Variants in GALNT15 observed in about 807,000 individuals in gnomAD.
The protein encoded by GALNT15 is polypeptide N-acetylgalactosaminyltransferase 15.
GALNT15 carries 67 observed loss-of-function variants against 66.8 expected under a neutral mutation model. The ratio of observed to expected loss-of-function variants is 1.00; its 90% CI spans 0.82 to 1.23. The LOEUF (loss-of-function observed/expected upper bound fraction) is 1.23. Ranked by LOEUF, GALNT15 falls within the 50% of genes most tolerant of loss-of-function variation. The pLI is 0.00. For synonymous variants in GALNT15, 313 were observed against 311.5 expected, an observed-to-expected ratio of 1.00 and a Z score of -0.05; for missense variants, 827 against 804.3, an observed-to-expected ratio of 1.03 and a Z score of -0.34.
chr3:16,176,454 G>A lies in GALNT15; in HGVS notation c.539+764G>A, dbSNP rs989138131. 6.6e-6 allele frequency among the ~76,000 whole-genome samples: 1 copy of A among 152,220 alleles called. No homozygotes were observed. Among genetic ancestry groups the A allele is most frequent in the Non-Finnish European group, 1.5e-5 (1 of 68,034 alleles). The stretch of plus-strand genomic sequence containing the variant: ...CACCTGCCTTGGGCCACTAGACTAA[G>A]GAAACAGGTCCAGTGCCTGAGAGCC... On this transcript the variant is annotated intron_variant, in intron 1 of 9. Coordinates refer to ENST00000339732, the MANE Select transcript of GALNT15 (RefSeq NM_054110.5). This position sits in a 1 kb window ranked among gnomAD's most constrained non-coding sequence, Gnocchi z 5.6.
rs1019009823 is a variant in GALNT15, at chr3:16,215,916, A to AAACAAACAAAAAAAAAAAAAAC, written c.1392+3155_1392+3156insCAAACAAAAAAAAAAAAAACAA. On this transcript the variant is annotated intron_variant, in intron 6 of 9. Transcript: ENST00000339732. Reference sequence around the variant, plus strand: ...AGAGGGAGACTCCGCCAAAAAAAAAAAAAAAAAAAGAAGAGGAAGAAGAAG... The same window carrying AAACAAACAAAAAAAAAAAAAAC: ...AGAGGGAGACTCCGCCAAAAAAAAAAAACAAACAAAAAAAAAAAAAACAAAAAAAAAGAAGAGGAAGAAGAAG... Among the ~76,000 whole-genome samples, 3 of 143,454 alleles carry AAACAAACAAAAAAAAAAAAAAC rather than the reference A, an allele frequency of 2.1e-5. 1 individual carries two copies. Among genetic ancestry groups the AAACAAACAAAAAAAAAAAAAAC allele is most frequent in the African/African-American group, 7.8e-5 (3 of 38,488 alleles). The allele number at this position is 143,454 out of a possible 152,430, so 94.1% of individuals were successfully genotyped here.
At position 16,219,619 on chromosome 3, in the gene GALNT15, G is replaced by A; in HGVS notation, c.1524+85G>A. 6.5e-7 allele frequency: 1 copy of A among 1,548,390 alleles called. No homozygotes were observed. Among genetic ancestry groups the A allele is most frequent in the Non-Finnish European group, 8.8e-7 (1 of 1,138,128 alleles). Reference sequence around the variant, plus strand: ...GATGTTCAGCTCTTCCATGTCCCTGGTCAACCATTCACGGTTTAGCAGGGC... The same window carrying A: ...GATGTTCAGCTCTTCCATGTCCCTGATCAACCATTCACGGTTTAGCAGGGC... On this transcript the variant is annotated intron_variant, in intron 7 of 9. Transcript: ENST00000339732. The surrounding 1 kb of genome is among the most constrained non-coding windows in gnomAD (Gnocchi z 4.3).
chr3:16,179,747 T>C (rs1228909013), intron 1 of GALNT15, among the ~76,000 whole-genome samples: 2 of 152,012 alleles, frequency 1.3e-5, no homozygotes, highest in Non-Finnish European at 2.9e-5. Context: ...ACAAACTCAA[T>C]GAAATGGTTG....
At chr3:16,190,444 C>A (rs1290527480) in intron 1 of GALNT15, among the ~76,000 whole-genome samples, 1 of 152,136 alleles carries the variant, frequency 6.6e-6, no homozygotes, top group Non-Finnish European at 1.5e-5. Flanking sequence ...CGAGACCATC[C>A]TGGCTAACAC....
At chr3:16,217,731 G>C (rs554213054) in intron 6 of GALNT15, among the ~76,000 whole-genome samples, 36 of 152,162 alleles carry the variant, frequency 2.4e-4, no homozygotes, top group South Asian at 6.2e-4. Flanking sequence ...ACAAAGATTG[G>C]GTAGATTTAT....
rs1389231211 is a variant in GALNT15 at position 16,222,719 on chromosome 3, A to G, written c.1734A>G (p.Glu578=). The change falls in exon 9 of 10, where the codon GAA becomes GAG. Residue 578 remains glutamate, a synonymous_variant. Transcript: ENST00000339732. Reference sequence around the variant, plus strand: ...TGATTCTTCAGAACTGCACGGAGGAAGGCCTGGCCATCCACCAGCAGCACT... The same window carrying G: ...TGATTCTTCAGAACTGCACGGAGGAGGGCCTGGCCATCCACCAGCAGCACT... ...EQVILQNCTE[E]GLAIHQQHWD... is the part of the protein sequence containing the mutation. 3 of 1,614,098 alleles carry G rather than the reference A, an allele frequency of 1.9e-6. No homozygotes were observed. In the East Asian group the frequency reaches 6.7e-5, roughly 36 times the overall value.
chr3:16,212,817 A>C, intron 6 of GALNT15, 54 bp downstream of exon 6: 5 of 1,509,654 alleles, frequency 3.3e-6, no homozygotes, highest in Non-Finnish European at 4.5e-6. Flanking sequence ...CACTAGCAGG[A>C]GGTGGGCCAG....
Position 16,227,754 on chromosome 3 carries a change from C to A in GALNT15, c.*254C>A. ...CTTCATCACTGGGAAATGATTATTA[C>A]ATAGTACAGAAGATTCTTTGTTTTT... is the stretch of plus-strand genomic sequence containing the variant. On this transcript the variant is annotated 3_prime_UTR_variant, in exon 10 of 10. Coordinates refer to ENST00000339732, the MANE Select transcript of GALNT15 (RefSeq NM_054110.5). The surrounding 1 kb of genome is among the most constrained non-coding windows in gnomAD (Gnocchi z 4.5). 1 of 1,313,674 alleles carries A rather than the reference C, an allele frequency of 7.6e-7. No homozygotes were observed. The highest frequency in any genetic ancestry group is 9.7e-7 in the Non-Finnish European group (1 of 1,031,976). The allele number at this position is 1,313,674 out of a possible 1,614,324, so 81.4% of individuals were successfully genotyped here.
chr3:16,227,669 T>G lies in GALNT15; in HGVS notation c.*169T>G. 1.4e-6 allele frequency: 2 copies of G among 1,433,440 alleles called. No individual in the cohort carries two copies. Among genetic ancestry groups the G allele is most frequent in the South Asian group, 3.0e-5 (2 of 65,886 alleles). The allele number at this position is 1,433,440 out of a possible 1,614,324, so 88.8% of individuals were successfully genotyped here. A position where few individuals can be genotyped will look rare whatever the true frequency, so the allele number is the denominator to read the frequency against. ...ATAGGAAGTTTCTCCTTTTCACACC[T>G]TATTTCATTGACTGCTGGCTGCTTT... On this transcript the variant is annotated 3_prime_UTR_variant, in exon 10 of 10. Transcript: ENST00000339732. The surrounding 1 kb of genome is among the most constrained non-coding windows in gnomAD (Gnocchi z 4.5).
chr3:16,199,543 G>A lies in GALNT15; in HGVS notation c.707-1076G>A. On this transcript the variant is annotated intron_variant, in intron 2 of 9. Transcript: ENST00000339732. The stretch of plus-strand genomic sequence containing the variant: ...CTTAGGTCAGGTTTCCTGAAAGCAG[G>A]GCCTGAGATGGAGATTCACGTGCAT... 1.4e-5 allele frequency among the ~76,000 whole-genome samples: 2 copies of A among 142,158 alleles called. 1 individual carries two copies. The highest frequency in any genetic ancestry group is 4.2e-4 in the East Asian group (2 of 4,728). 93.3% of individuals were successfully genotyped at this position (142,158 alleles called of 152,430 possible).
rs6442586 is a variant in GALNT15 at position 16,211,914 on chromosome 3, G to A, written c.1198-655G>A. Among the ~76,000 whole-genome samples the A allele has an allele frequency of 0.18, 27,475 of 152,166 alleles. 3,097 individuals carry two copies. The highest frequency in any genetic ancestry group is 0.31 in the African/African-American group (12,752 of 41,486). On this transcript the variant is annotated intron_variant, in intron 5 of 9. Transcript: ENST00000339732. This position sits in a 1 kb window ranked among gnomAD's most constrained non-coding sequence, Gnocchi z 4.3. The stretch of plus-strand genomic sequence containing the variant: ...TAACCCCAGACCCTATGAGTTTGCT[G>A]TGGCACCCTGGGGCACCTTGGCACA...
At chr3:16,197,915 C>T (rs1444495780) in intron 2 of GALNT15, among the ~76,000 whole-genome samples, 2 of 97,328 alleles carry the variant, frequency 2.1e-5, no homozygotes, top group Non-Finnish European at 4.6e-5. Context: ...GGAAGTTCTT[C>T]CTTATCTATT....
At chr3:16,194,260 A>G (rs749899455) in intron 1 of GALNT15, among the ~76,000 whole-genome samples, 1 of 152,196 alleles carries the variant, frequency 6.6e-6, no homozygotes, top group African/African-American at 2.4e-5. Flanking sequence ...GGTGTCTGGC[A>G]TGTTGTTGGC....
At chr3:16,241,090 GAATT>G in the GALNT15 span, among the ~76,000 whole-genome samples, 1 of 152,154 alleles carries the variant, frequency 6.6e-6, no homozygotes, top group African/African-American at 2.4e-5. This position sits in a 1 kb window ranked among gnomAD's most constrained non-coding sequence, Gnocchi z 4.6. Context: ...CCCCCGGGCT[GAATT>G]AATTACCCCT....
At chr3:16,222,074 A>G (rs1353427465) in intron 8 of GALNT15, among the ~76,000 whole-genome samples, 1 of 152,232 alleles carries the variant, frequency 6.6e-6, no homozygotes, top group African/African-American at 2.4e-5. Flanking sequence ...CAAACAGAAA[A>G]TAGTCTTTCC....
Position 16,222,730 on chromosome 3 carries a change from T to C in GALNT15, c.1745T>C (p.Ile582Thr), listed in dbSNP as rs532149342. Residue 582 changes from isoleucine to threonine, a missense_variant, in exon 9 of 10, where the codon ATC becomes ACC. Transcript: ENST00000339732. Reference protein sequence around the residue: ...LQNCTEEGLAIHQQHWDFQEN... With the variant: ...LQNCTEEGLATHQQHWDFQEN... ...AACTGCACGGAGGAAGGCCTGGCCA[T>C]CCACCAGCAGCACTGGGACTTCCAG... is the stretch of plus-strand genomic sequence containing the variant. 1 of 1,614,170 alleles carries C rather than the reference T, an allele frequency of 6.2e-7. No individual in the cohort carries two copies. Among genetic ancestry groups the C allele is most frequent in the South Asian group, 1.1e-5 (1 of 91,070 alleles).
chr3:16,210,798 G>C (rs1389836701), intron 4 of GALNT15, among the ~76,000 whole-genome samples: 2 of 152,154 alleles, frequency 1.3e-5, no homozygotes, highest in Non-Finnish European at 2.9e-5. Flanking sequence ...TTTTAAGCAA[G>C]GCCTTCTTCC....
At chr3:16,190,850 C>T (rs1331022481) in intron 1 of GALNT15, among the ~76,000 whole-genome samples, 1 of 152,134 alleles carries the variant, frequency 6.6e-6, no homozygotes, top group Admixed American at 6.5e-5. Context: ...ATTATTTCCA[C>T]GGTGATTTTC....
chr3:16,206,604 C>T (rs1255896655), intron 3 of GALNT15, among the ~76,000 whole-genome samples: 12 of 134,186 alleles, frequency 8.9e-5, no homozygotes, highest in Non-Finnish European at 1.7e-4. Context: ...ACCTGGGAGG[C>T]GGAGCTTGCA....
Sources: allele counts gnomAD v4.1 joint callset (sites outside exome capture counted in the v4.1 genomes callset), GRCh38; gene constraint gnomAD v4.1.1; non-coding constraint Gnocchi (gnomAD v3.1); transcripts MANE v1.5; gene names NCBI Gene and HGNC (gene_info 2026-07-23, HGNC 2026-07-21).